The following NGLY1 variants were observed in gnomAD, a reference collection of about 807,000 sequenced individuals.
The protein encoded by NGLY1 is N-glycanase 1.
A neutral mutation model predicts 84.6 loss-of-function variants in NGLY1; 68 were observed. That is an observed-to-expected ratio of 0.80 (90% CI 0.66 to 0.98). The LOEUF (loss-of-function observed/expected upper bound fraction) is 0.98, where lower values mean the gene tolerates loss of function less well. Ranked by LOEUF, NGLY1 falls within the 50% of genes least tolerant of loss-of-function variation. The pLI is 0.00. For missense variants in NGLY1, 779 were observed against 770.2 expected (o/e 1.01, Z -0.14); for synonymous variants, 280 against 275.2 (o/e 1.02, Z -0.17).
chr3:25,756,900 T>C (rs1426140558), intron 3 of NGLY1, among the ~76,000 whole-genome samples: 2 of 152,236 alleles, frequency 1.3e-5, no homozygotes, highest in Non-Finnish European at 2.9e-5. Flanking sequence ...TGCTGAACAC[T>C]TTCCCAGTTT....
intron 2 of NGLY1, among the ~76,000 whole-genome samples, chr3:25,765,611 G>A (rs188342072): frequency 3.9e-4 from 59 of 152,306 alleles, no homozygotes; most frequent in African/African-American, 1.4e-3. Context: ...TCAATGACAT[G>A]AAAGTCAATT....
At chr3:25,726,959 G>A (rs1052257545) in intron 10 of NGLY1, among the ~76,000 whole-genome samples, 1 of 152,128 alleles carries the variant, frequency 6.6e-6, no homozygotes, top group African/African-American at 2.4e-5. Flanking sequence ...TCTTTGAGAG[G>A]TAAAGAATCT....
chr3:25,758,592 A>C (rs1707156374), intron 3 of NGLY1, among the ~76,000 whole-genome samples: 1 of 152,042 alleles, frequency 6.6e-6, no homozygotes. Flanking sequence ...TAAATAAATA[A>C]ATTTTTTTGA....
At chr3:25,745,824 G>A (rs528177190) in intron 4 of NGLY1, among the ~76,000 whole-genome samples, 1 of 152,166 alleles carries the variant, frequency 6.6e-6, no homozygotes, top group African/African-American at 2.4e-5. Flanking sequence ...AGTTTCAATA[G>A]TCAATCCTGC....
At chr3:25,746,289 A>G (rs1706424307) in intron 4 of NGLY1, among the ~76,000 whole-genome samples, 1 of 152,136 alleles carries the variant, frequency 6.6e-6, no homozygotes. Flanking sequence ...AATCCCACTC[A>G]TCCTTCATGC....
chr3:25,748,346 G>A (rs1298172046), intron 4 of NGLY1, among the ~76,000 whole-genome samples: 1 of 152,150 alleles, frequency 6.6e-6, no homozygotes, highest in Non-Finnish European at 1.5e-5. Flanking sequence ...CTAATGAGGA[G>A]TTCTTAGGGA....
At chr3:25,742,744 T>C (rs1327322615) in intron 4 of NGLY1, among the ~76,000 whole-genome samples, 1 of 151,866 alleles carries the variant, frequency 6.6e-6, no homozygotes, top group African/African-American at 2.4e-5. Flanking sequence ...CTCCAATGGG[T>C]TTCCATCTCA....
intron 10 of NGLY1, among the ~76,000 whole-genome samples, chr3:25,721,322 G>C (rs939757466): frequency 2.0e-5 from 3 of 152,144 alleles, no homozygotes; most frequent in African/African-American, 7.2e-5. Context: ...TGCTGAGATT[G>C]TAGGTGTGAG....
chr3:25,754,887 A>G, intron 3 of NGLY1: 1 of 679,460 alleles, frequency 1.5e-6, no homozygotes, highest in African/African-American at 1.8e-5. Context: ...AAAGACTACC[A>G]ATAGGCTCTC....
intron 7 of NGLY1, chr3:25,734,791 C>G (rs1705732618): frequency 4.3e-6 from 4 of 935,268 alleles, no homozygotes; most frequent in Non-Finnish European, 5.1e-6. Context: ...CATTCCTAAA[C>G]AGTTGATAGT....
At chr3:25,763,811 G>A (rs1446806717) in intron 3 of NGLY1, among the ~76,000 whole-genome samples, 2 of 152,152 alleles carry the variant, frequency 1.3e-5, no homozygotes, top group African/African-American at 4.8e-5. Context: ...TTAAGGTATT[G>A]ATAATGGTTG....
intron 1 of NGLY1, among the ~76,000 whole-genome samples, chr3:25,781,002 C>G (rs1045148991): frequency 6.6e-6 from 1 of 151,386 alleles, no homozygotes; most frequent in Admixed American, 6.6e-5. Flanking sequence ...TGAGAAAGGT[C>G]TCACTTCGCC....
At chr3:25,789,549 A>T (rs73157340) in intron 1 of NGLY1, among the ~76,000 whole-genome samples, 22 of 152,328 alleles carry the variant, frequency 1.4e-4, no homozygotes, top group African/African-American at 5.3e-4. Context: ...TATGTCTCCT[A>T]ACAAATAGTC....
At chr3:25,731,001 C>A (rs1705511071) in intron 9 of NGLY1, among the ~76,000 whole-genome samples, 1 of 152,046 alleles carries the variant, frequency 6.6e-6, no homozygotes, top group African/African-American at 2.4e-5. Context: ...GCCTAGCACA[C>A]TGATTTTTAC....
chr3:25,751,769 TC>T (rs1288674805), intron 3 of NGLY1, among the ~76,000 whole-genome samples: 1 of 152,174 alleles, frequency 6.6e-6, no homozygotes, highest in Non-Finnish European at 1.5e-5. Flanking sequence ...AGCCATAGGA[TC>T]TACAGAATAG....
intron 2 of NGLY1, among the ~76,000 whole-genome samples, chr3:25,770,311 G>A (rs753428771): frequency 1.2e-4 from 19 of 152,108 alleles, no homozygotes; most frequent in Non-Finnish European, 2.5e-4. Flanking sequence ...ACCATGCCCA[G>A]CAAATTTTTG....
chr3:25,768,272 A>G (rs1388658866), intron 2 of NGLY1, among the ~76,000 whole-genome samples: 1 of 150,700 alleles, frequency 6.6e-6, no homozygotes, highest in Non-Finnish European at 1.5e-5. Context: ...AAAATACAAA[A>G]AAAATTAGCT....
chr3:25,739,454 C>G, intron 5 of NGLY1, 123 bp downstream of exon 5: 1 of 958,894 alleles, frequency 1.0e-6, no homozygotes, highest in Non-Finnish European at 1.5e-6. Context: ...CCACGGTTTG[C>G]TCACCGGTAT....
chr3:25,764,093 C>T lies in NGLY1; in HGVS notation c.465G>A (p.Gln155=), dbSNP rs537713428. 14 of 1,614,180 alleles carry T rather than the reference C, an allele frequency of 8.7e-6. No homozygotes were observed. The South Asian group carries it at 1.4e-4, about 16-fold the overall frequency. The change falls in exon 3 of 12, where the codon CAG becomes CAA. Residue 155 remains glutamine (Q), a synonymous_variant. Transcript: ENST00000280700. ...LNQHTRNRQG[Q]SSDPPSASTV... is the part of the protein sequence containing the mutation. The stretch of plus-strand genomic sequence containing the variant: ...TTGAAGCAGATGGTGGATCTGATGA[C>T]TGCCCTTGACGGTTCCTTGTGTGCT...
Sources: allele counts gnomAD v4.1 joint callset (sites outside exome capture counted in the v4.1 genomes callset), GRCh38; gene constraint gnomAD v4.1.1; transcripts MANE v1.5; gene names NCBI Gene and HGNC (gene_info 2026-07-23, HGNC 2026-07-21).